Variants in VPS41 observed in about 807,000 individuals in gnomAD.
The protein encoded by VPS41 is vacuolar protein sorting-associated protein 41 homolog.
Under a neutral mutation model 130.9 loss-of-function variants are expected in VPS41, and 85 were observed. That is an observed-to-expected ratio of 0.65 (90% CI 0.55 to 0.78). VPS41 has a LOEUF of 0.78. Ranked by LOEUF, VPS41 falls within the 30% of genes least tolerant of loss-of-function variation. VPS41 has a pLI of 0.00. For missense variants in VPS41, 874 were observed against 1,018.7 expected, an observed-to-expected ratio of 0.86 and a Z score of 1.93; for synonymous variants, 335 against 332.9, an observed-to-expected ratio of 1.01 and a Z score of -0.07.
At chr7:38,778,729 C>A (rs148013188) in intron 10 of VPS41, among the ~76,000 whole-genome samples, 24 of 152,224 alleles carry the variant, frequency 1.6e-4, no homozygotes, top group African/African-American at 5.8e-4. Context: ...GCCACAGACA[C>A]CTAAGGGAAA....
At chr7:38,743,688 A>G (rs547942244) in intron 23 of VPS41, 146 bp from the exon 24 acceptor site, 3 of 879,132 alleles carry the variant, frequency 3.4e-6, no homozygotes, top group South Asian at 1.8e-5. Context: ...TTTACTGTCT[A>G]TAACATAGCA....
At chr7:38,886,124 T>C (rs938370431) in intron 2 of VPS41, among the ~76,000 whole-genome samples, 20 of 151,578 alleles carry the variant, frequency 1.3e-4, no homozygotes, top group Non-Finnish European at 1.8e-4. Flanking sequence ...CCAACTGAGG[T>C]ACCTGGTTCA....
rs1243490343 is a variant in VPS41 at position 38,852,256 on chromosome 7, G to T, written c.246+10289C>A. The stretch of plus-strand genomic sequence containing the variant: ...GGAGCTCTAGCATCACCCCAAGTCA[G>T]GATCCAGTAAGATCAGACCTCCCGG... On this transcript the variant is annotated intron_variant, in intron 4 of 28. Coordinates refer to ENST00000310301, the MANE Select transcript of VPS41 (RefSeq NM_014396.4). 5.3e-5 allele frequency among the ~76,000 whole-genome samples: 8 copies of T among 152,244 alleles called. No homozygotes were observed. The East Asian group carries it at 1.4e-3, about 26-fold the overall frequency.
intron 11 of VPS41, among the ~76,000 whole-genome samples, chr7:38,775,877 T>C (rs537723216): frequency 2.6e-5 from 4 of 152,156 alleles, no homozygotes; most frequent in African/African-American, 9.6e-5. Flanking sequence ...CTACTTACTG[T>C]AAAGGACTAG....
At chr7:38,818,024 AC>A (rs1483560742) in intron 6 of VPS41, 142 bp from the exon 7 acceptor site, 1 of 660,138 alleles carries the variant, frequency 1.5e-6, no homozygotes, top group East Asian at 2.7e-5. Flanking sequence ...ATCATATTTT[AC>A]AACAACTGAT....
chr7:38,881,257 A>T (rs1446231620), intron 2 of VPS41, among the ~76,000 whole-genome samples: 1 of 152,146 alleles, frequency 6.6e-6, no homozygotes, highest in African/African-American at 2.4e-5. Context: ...AAGCGCCAGC[A>T]TTCCTTGGCT....
chr7:38,755,014 T>C, intron 19 of VPS41, 78 bp from the exon 20 acceptor site: 1 of 1,365,056 alleles, frequency 7.3e-7, no homozygotes. Context: ...GCAGTGTACC[T>C]ACCACAGTTC....
intron 2 of VPS41, among the ~76,000 whole-genome samples, chr7:38,873,410 A>G (rs1786415179): frequency 1.3e-5 from 2 of 152,026 alleles, no homozygotes; most frequent in African/African-American, 4.8e-5. Context: ...TTAAAAGTCT[A>G]GTAGATTATA....
intron 22 of VPS41, among the ~76,000 whole-genome samples, chr7:38,748,716 A>T (rs1315405911): frequency 6.6e-6 from 1 of 151,962 alleles, no homozygotes; most frequent in Non-Finnish European, 1.5e-5. Flanking sequence ...TAAAAAAAAT[A>T]ATCTTTCATG....
chr7:38,796,597 C>T (rs1457573606), intron 8 of VPS41, 148 bp downstream of exon 8: 4 of 1,142,086 alleles, frequency 3.5e-6, no homozygotes, highest in Admixed American at 3.8e-5. Context: ...ATTTCTTTAA[C>T]CTCCTAGGTA....
intron 14 of VPS41, among the ~76,000 whole-genome samples, chr7:38,768,899 A>G (rs1784102028): frequency 6.6e-6 from 1 of 152,070 alleles, no homozygotes; most frequent in Admixed American, 6.6e-5. Flanking sequence ...AAATACCCAA[A>G]AACTACCATC....
At chr7:38,894,141 T>C (rs1346863609) in intron 2 of VPS41, among the ~76,000 whole-genome samples, 1 of 152,102 alleles carries the variant, frequency 6.6e-6, no homozygotes, top group African/African-American at 2.4e-5. Context: ...TCAAAAAAAG[T>C]TTAACAGTTA....
Position 38,853,726 on chromosome 7 carries a change from T to C in VPS41, c.246+8819A>G, listed in dbSNP as rs192798424. On this transcript the variant is annotated intron_variant, in intron 4 of 28. Transcript: ENST00000310301. ...CCCCAGTCTACTACCCAATTCAGAG[T>C]CATGTTCCACAAAGTTAAAATTACT... Among the ~76,000 whole-genome samples the C allele has an allele frequency of 3.1e-4, 47 of 152,252 alleles. 2 individuals carry two copies. The East Asian group carries it at 8.9e-3, about 29-fold the overall frequency.
chr7:38,752,121 C>A, intron 22 of VPS41, 55 bp downstream of exon 22: 1 of 1,605,808 alleles, frequency 6.2e-7, no homozygotes, highest in South Asian at 1.1e-5. Flanking sequence ...AACAACTTAC[C>A]ATCAATGACA....
intron 21 of VPS41, among the ~76,000 whole-genome samples, chr7:38,752,661 C>T (rs1783701362): frequency 6.6e-6 from 1 of 152,178 alleles, no homozygotes; most frequent in Admixed American, 6.5e-5. Context: ...AACCAATGAA[C>T]TTAGCATACA....
chr7:38,729,160 C>T (rs1795608497), intron 25 of VPS41, among the ~76,000 whole-genome samples: 1 of 152,236 alleles, frequency 6.6e-6, no homozygotes, highest in Admixed American at 6.5e-5. Context: ...TTGGCTCCTA[C>T]ATCATGTGTT....
rs184387240 is a variant in VPS41, at chr7:38,860,057, G to T, written c.246+2488C>A. Reference sequence around the variant, plus strand: ...TTGTCATTCTTCAGCAACAAAAGATGGCCGTATAAAACAGAATCCTGTCAA... The same window carrying T: ...TTGTCATTCTTCAGCAACAAAAGATTGCCGTATAAAACAGAATCCTGTCAA... On this transcript the variant is annotated intron_variant, in intron 4 of 28. Coordinates refer to ENST00000310301, the MANE Select transcript of VPS41 (RefSeq NM_014396.4). 8.8e-4 allele frequency among the ~76,000 whole-genome samples: 134 copies of T among 152,198 alleles called. 2 individuals are homozygous for T. The Middle Eastern group carries it at 0.017, about 19-fold the overall frequency.
chr7:38,745,072 T>G (rs889483917), intron 23 of VPS41, among the ~76,000 whole-genome samples: 5 of 152,192 alleles, frequency 3.3e-5, no homozygotes, highest in African/African-American at 9.7e-5. Flanking sequence ...GTACAAAAAT[T>G]GTGACTCATG....
At chr7:38,891,078 T>C (rs1786856441) in intron 2 of VPS41, among the ~76,000 whole-genome samples, 1 of 152,112 alleles carries the variant, frequency 6.6e-6, no homozygotes, top group Non-Finnish European at 1.5e-5. Context: ...TAACAGAAAA[T>C]CTTGAATACA....
Sources: allele counts gnomAD v4.1 joint callset (sites outside exome capture counted in the v4.1 genomes callset), GRCh38; gene constraint gnomAD v4.1.1; transcripts MANE v1.5; gene names NCBI Gene and HGNC (gene_info 2026-07-23, HGNC 2026-07-21).